DRC5: variants seen among roughly 807,000 people sequenced by gnomAD.
DRC5 encodes T-complex-associated testis-expressed protein 1.
chr6:44,289,436 C>T, the DRC5 span, among the ~76,000 whole-genome samples: 1 of 152,122 alleles, frequency 6.6e-6, no homozygotes, highest in East Asian at 1.9e-4. Context: ...ACTATGTTTT[C>T]ATATGAGGTC....
the DRC5 span, chr6:44,286,678 G>C: frequency 1.4e-6 from 1 of 691,068 alleles, no homozygotes; most frequent in Non-Finnish European, 2.4e-6. Context: ...CTCTCAGGGG[G>C]GCTCAAGCAG....
chr6:44,280,349 CTTG>C, the DRC5 span: 1 of 1,614,094 alleles, frequency 6.2e-7, no homozygotes, highest in Non-Finnish European at 8.5e-7. Flanking sequence ...CCAGGAGGGT[CTTG>C]TTGTCTGACA....
chr6:44,287,319 G>T, the DRC5 span: 1 of 822,122 alleles, frequency 1.2e-6, no homozygotes, highest in Non-Finnish European at 1.5e-6. Context: ...GCAGAGGCAT[G>T]GAGGGTGCAG....
chr6:44,286,167 C>T, the DRC5 span: 1 of 1,612,954 alleles, frequency 6.2e-7, no homozygotes, highest in Non-Finnish European at 8.5e-7. Context: ...CCCTCGCTGC[C>T]TGAGTCGGAC....
the DRC5 span, chr6:44,279,277 C>T: frequency 6.6e-6 from 1 of 152,492 alleles, no homozygotes; most frequent in Admixed American, 6.5e-5. Flanking sequence ...CTGGAAGGCT[C>T]CATGTGTCCT....
chr6:44,282,428 A>G, the DRC5 span: 1,263,720 of 1,613,720 alleles, frequency 0.78, 499,153 homozygotes, highest in Admixed American at 0.82. Flanking sequence ...GCTTGGCAGC[A>G]CCTCGTGCAC....
chr6:44,293,306 CAAAAAAA>C, the DRC5 span, among the ~76,000 whole-genome samples: 21 of 88,864 alleles, frequency 2.4e-4, no homozygotes, highest in East Asian at 8.9e-4. Context: ...ACTATCCTCT[CAAAAAAA>C]AAAAAAAAAA....
the DRC5 span, chr6:44,280,326 C>A: frequency 1.2e-6 from 2 of 1,614,142 alleles, no homozygotes; most frequent in Non-Finnish European, 1.7e-6. Flanking sequence ...ATCTGACAGG[C>A]GCAAGTCAAA....
the DRC5 span, among the ~76,000 whole-genome samples, chr6:44,293,747 A>G: frequency 2.0e-5 from 3 of 152,192 alleles, no homozygotes; most frequent in Non-Finnish European, 4.4e-5. Context: ...CCCCGGGCTA[A>G]GTGCGCTCCC....
At chr6:44,287,896 A>G in the DRC5 span, 1 of 1,537,166 alleles carries the variant, frequency 6.5e-7, no homozygotes, top group Non-Finnish European at 8.8e-7. Context: ...TCAGACTGGC[A>G]GGTCCTTGAA....
At chr6:44,285,815 G>T in the DRC5 span, 5 of 737,638 alleles carry the variant, frequency 6.8e-6, no homozygotes, top group Non-Finnish European at 1.1e-5. Context: ...CCAGAACCGT[G>T]TATCTTGGTG....
At chr6:44,287,984 G>A in the DRC5 span, 3 of 881,424 alleles carry the variant, frequency 3.4e-6, no homozygotes, top group East Asian at 2.7e-5. Flanking sequence ...TACTAAGAGA[G>A]GTGGTACAGA....
the DRC5 span, among the ~76,000 whole-genome samples, chr6:44,293,974 T>C: frequency 6.6e-6 from 1 of 152,206 alleles, no homozygotes; most frequent in Admixed American, 6.5e-5. Context: ...ATACTGACAC[T>C]AATGTAGCAA....
At chr6:44,280,719 G>C in the DRC5 span, among the ~76,000 whole-genome samples, 1 of 152,218 alleles carries the variant, frequency 6.6e-6, no homozygotes, top group African/African-American at 2.4e-5. Context: ...CTTCTGGGAA[G>C]CTTCTCCTCA....
chr6:44,285,893 G>A, the DRC5 span: 7 of 1,364,396 alleles, frequency 5.1e-6, no homozygotes, highest in Non-Finnish European at 7.1e-6. Context: ...TAATAGAGGA[G>A]GAAGAGGAGG....
chr6:44,297,468 C>T, the DRC5 span, among the ~76,000 whole-genome samples: 1 of 152,180 alleles, frequency 6.6e-6, no homozygotes, highest in Non-Finnish European at 1.5e-5. Context: ...GCGTGGAGGG[C>T]GTGGGGTCTC....
the DRC5 span, among the ~76,000 whole-genome samples, chr6:44,281,060 C>T: frequency 2.0e-5 from 3 of 152,032 alleles, no homozygotes; most frequent in Non-Finnish European, 4.4e-5. Context: ...CGTGTGTGTG[C>T]GTGTATGTGC....
At chr6:44,288,052 T>C in the DRC5 span, 1 of 476,154 alleles carries the variant, frequency 2.1e-6, no homozygotes, top group Non-Finnish European at 3.6e-6. Flanking sequence ...TGTGTGGCCT[T>C]GGGCAAGTTA....
chr6:44,288,831 T>TA, the DRC5 span, among the ~76,000 whole-genome samples: 1 of 151,480 alleles, frequency 6.6e-6, no homozygotes, highest in Non-Finnish European at 1.5e-5. Flanking sequence ...CTGTCTCTAC[T>TA]AAAAATACAC....
Sources: allele counts gnomAD v4.1 joint callset (sites outside exome capture counted in the v4.1 genomes callset), GRCh38; gene constraint gnomAD v4.1.1; transcripts MANE v1.5; gene names NCBI Gene and HGNC (gene_info 2026-07-23, HGNC 2026-07-21).